Variants in PKIA observed in about 807,000 individuals in gnomAD.
PKIA encodes PKI-alpha.
Under a neutral mutation model 7.6 loss-of-function variants are expected in PKIA, and 4 were observed. The observed-to-expected ratio is 0.52, with a 90% CI of 0.26 to 1.20. PKIA has a LOEUF of 1.20. Ranked by LOEUF, PKIA falls within the 50% of genes most tolerant of loss-of-function variation. The pLI, the probability that PKIA is intolerant of heterozygous loss-of-function variation, is 0.13. For synonymous variants in PKIA, 21 were observed against 30.7 expected (o/e 0.68, Z 1.04); for missense variants, 73 against 86.2 (o/e 0.85, Z 0.61).
intron 2 of PKIA, among the ~76,000 whole-genome samples, chr8:78,595,226 C>A (rs545742607): frequency 6.6e-6 from 1 of 152,198 alleles, no homozygotes; most frequent in African/African-American, 2.4e-5. Flanking sequence ...AAAAAAACTA[C>A]ATAAAGTAGT....
At chr8:78,530,877 T>A (rs1461717171) in intron 1 of PKIA, among the ~76,000 whole-genome samples, 1 of 152,086 alleles carries the variant, frequency 6.6e-6, no homozygotes, top group Non-Finnish European at 1.5e-5. Flanking sequence ...GAAGTTTTAA[T>A]GGATTTCTAC....
intron 3 of PKIA, 87 bp downstream of exon 3, chr8:78,598,622 T>G: frequency 9.8e-7 from 1 of 1,017,666 alleles, no homozygotes; most frequent in Non-Finnish European, 1.5e-6. Flanking sequence ...AAAGCCATCT[T>G]TGAAAGTAAT....
intron 2 of PKIA, among the ~76,000 whole-genome samples, chr8:78,595,905 G>T (rs1314574508): frequency 2.0e-5 from 3 of 152,148 alleles, no homozygotes; most frequent in Non-Finnish European, 4.4e-5. Context: ...TGTGATTGCT[G>T]GGTCTAATGG....
intron 2 of PKIA, among the ~76,000 whole-genome samples, chr8:78,596,703 G>A (rs189150610): frequency 3.7e-4 from 56 of 152,098 alleles, no homozygotes; most frequent in African/African-American, 1.3e-3. Context: ...TTGCTTTTGT[G>A]GCAATTCTTT....
intron 1 of PKIA, among the ~76,000 whole-genome samples, chr8:78,545,055 T>C (rs2118432780): frequency 6.6e-6 from 1 of 152,120 alleles, no homozygotes; most frequent in East Asian, 1.9e-4. Context: ...AGAAAAAAGC[T>C]AAATTACATG....
At chr8:78,523,998 ATTTATATATAAATATATATAAACG>A (rs1809474121) in intron 1 of PKIA, among the ~76,000 whole-genome samples, 1 of 107,320 alleles carries the variant, frequency 9.3e-6, no homozygotes, top group South Asian at 2.6e-4. Flanking sequence ...ATATATAAAC[ATTTATATATAAATATATATAAACG>A]TTTATATAAA....
chr8:78,560,229 A>T (rs181407634), intron 1 of PKIA, among the ~76,000 whole-genome samples: 8 of 152,354 alleles, frequency 5.3e-5, no homozygotes, highest in Non-Finnish European at 1.2e-4. Flanking sequence ...GCATAAAAAG[A>T]CATTTTTAAA....
chr8:78,552,678 A>T (rs1807013423), intron 1 of PKIA, among the ~76,000 whole-genome samples: 1 of 152,072 alleles, frequency 6.6e-6, no homozygotes, highest in African/African-American at 2.4e-5. Flanking sequence ...CTTTGAATTA[A>T]ATCGTGAAAA....
At chr8:78,540,605 GCT>G (rs1206055473) in intron 1 of PKIA, among the ~76,000 whole-genome samples, 1 of 152,060 alleles carries the variant, frequency 6.6e-6, no homozygotes, top group East Asian at 1.9e-4. Context: ...TGCAACTCCT[GCT>G]CTTTTTCCTG....
chr8:78,526,145 C>T lies in PKIA; in HGVS notation c.-157+9677C>T, dbSNP rs141305919. On this transcript the variant is annotated intron_variant, in intron 1 of 3. Transcript: ENST00000396418. ...AAATGTTCATGAATTATTTTTTCTA[C>T]CCCTCCCCATGTAAGTTAAACTTAG... Among the ~76,000 whole-genome samples, 1,220 of 152,110 alleles carry T rather than the reference C, an allele frequency of 8.0e-3. 11 individuals carry two copies. Among genetic ancestry groups the T allele is most frequent in the African/African-American group, 0.027 (1,134 of 41,522 alleles).
intron 1 of PKIA, among the ~76,000 whole-genome samples, chr8:78,517,750 C>T (rs145589015): frequency 2.0e-4 from 31 of 152,282 alleles, no homozygotes; most frequent in African/African-American, 6.3e-4. Context: ...TAGAGATGTA[C>T]ATTTGAATAA....
intron 1 of PKIA, among the ~76,000 whole-genome samples, chr8:78,561,188 T>C (rs924541320): frequency 6.6e-6 from 1 of 152,102 alleles, no homozygotes; most frequent in Non-Finnish European, 1.5e-5. Context: ...ATTATACATA[T>C]AAGAAACTAT....
At chr8:78,596,444 G>T (rs1439376605) in intron 2 of PKIA, among the ~76,000 whole-genome samples, 2 of 151,964 alleles carry the variant, frequency 1.3e-5, no homozygotes, top group Admixed American at 6.6e-5. Context: ...TCACCATGTT[G>T]GTCAGGCTGG....
intron 1 of PKIA, among the ~76,000 whole-genome samples, chr8:78,566,868 A>G (rs1381680978): frequency 2.0e-5 from 3 of 152,156 alleles, no homozygotes; most frequent in African/African-American, 2.4e-5. Context: ...GACATTTAGC[A>G]TTTAAAGACA....
chr8:78,551,885 C>T (rs990665934), intron 1 of PKIA, among the ~76,000 whole-genome samples: 1 of 151,994 alleles, frequency 6.6e-6, no homozygotes, highest in Admixed American at 6.6e-5. Flanking sequence ...TTTAAGGGAA[C>T]AATCTTTCTG....
At chr8:78,567,757 G>C (rs960204324) in intron 1 of PKIA, among the ~76,000 whole-genome samples, 32 of 152,118 alleles carry the variant, frequency 2.1e-4, no homozygotes, top group African/African-American at 7.5e-4. Flanking sequence ...CTATCCCCCA[G>C]CCATTTATTA....
At chr8:78,538,971 G>A (rs1391545050) in intron 1 of PKIA, among the ~76,000 whole-genome samples, 1 of 151,950 alleles carries the variant, frequency 6.6e-6, no homozygotes, top group Non-Finnish European at 1.5e-5. Context: ...ATGACAAGGA[G>A]GCTTTTTTAA....
intron 1 of PKIA, among the ~76,000 whole-genome samples, chr8:78,525,255 A>C (rs538530199): frequency 3.3e-5 from 5 of 151,790 alleles, no homozygotes; most frequent in Admixed American, 3.3e-4. Context: ...TAGAGATTAT[A>C]ATGATGGAGT....
intron 3 of PKIA, among the ~76,000 whole-genome samples, chr8:78,600,731 T>C (rs909013227): frequency 6.6e-6 from 1 of 152,084 alleles, no homozygotes; most frequent in African/African-American, 2.4e-5. Flanking sequence ...AGAAAATATT[T>C]TTATGTAGAA....
Sources: gnomAD v4.1 joint callset for allele counts (sites outside exome capture counted in the v4.1 genomes callset) on GRCh38, gnomAD v4.1.1 for gene constraint, MANE v1.5 for transcripts, NCBI Gene and HGNC (gene_info 2026-07-23, HGNC 2026-07-21) for gene names.